Variants in RFTN2 observed in about 807,000 individuals in gnomAD.
The protein encoded by RFTN2 is raftlin family member 2, also known as raftlin-2.
A neutral mutation model predicts 52.7 loss-of-function variants in RFTN2; 34 were observed. The observed-to-expected ratio is 0.64, with a 90% CI of 0.49 to 0.86. The LOEUF (loss-of-function observed/expected upper bound fraction) is 0.86, where lower values mean the gene tolerates loss of function less well. Among genes scored for constraint, RFTN2 ranks in the 40% least tolerant of loss-of-function variants. RFTN2 has a pLI of 0.00. For synonymous variants in RFTN2, 203 were observed against 217.7 expected, an observed-to-expected ratio of 0.93 and a Z score of 0.59; for missense variants, 536 against 600.1, an observed-to-expected ratio of 0.89 and a Z score of 1.12.
intron 8 of RFTN2, among the ~76,000 whole-genome samples, chr2:197,594,249 C>G (rs1241420737): frequency 8.6e-5 from 13 of 151,902 alleles, no homozygotes. Context: ...CTCTTGACCT[C>G]ATGATCCGCC....
At chr2:197,576,759 AG>A (rs1193232901) in intron 8 of RFTN2, among the ~76,000 whole-genome samples, 1 of 152,214 alleles carries the variant, frequency 6.6e-6, no homozygotes, top group African/African-American at 2.4e-5. Flanking sequence ...AGGAAGATGC[AG>A]CCCCAGCGGG....
intron 1 of RFTN2, among the ~76,000 whole-genome samples, chr2:197,657,612 A>G (rs1296657179): frequency 6.6e-6 from 1 of 152,198 alleles, no homozygotes; most frequent in Non-Finnish European, 1.5e-5. Flanking sequence ...GGTTTTAAAC[A>G]TTATGTTATT....
chr2:197,660,463 T>C (rs1235440871), intron 1 of RFTN2, among the ~76,000 whole-genome samples: 6 of 152,328 alleles, frequency 3.9e-5, no homozygotes, highest in Admixed American at 1.3e-4. Context: ...AATTAATTCA[T>C]AGTATTTTAC....
intron 7 of RFTN2, among the ~76,000 whole-genome samples, chr2:197,611,622 T>C (rs2088063570): frequency 6.6e-6 from 1 of 152,236 alleles, no homozygotes; most frequent in Admixed American, 6.5e-5. Context: ...TCATTTCTGC[T>C]CTGATCTTAG....
At chr2:197,632,699 G>A (rs74360301) in intron 4 of RFTN2, among the ~76,000 whole-genome samples, 2,086 of 152,238 alleles carry the variant, frequency 0.014, 57 homozygotes, top group African/African-American at 0.047. Flanking sequence ...TGATGATGGT[G>A]GAGATGGGTG....
At chr2:197,644,570 T>G (rs931515638) in intron 2 of RFTN2, among the ~76,000 whole-genome samples, 1 of 152,234 alleles carries the variant, frequency 6.6e-6, no homozygotes, top group African/African-American at 2.4e-5. Context: ...TGTTGTTATA[T>G]CTTATCGAAC....
At chr2:197,649,014 G>A (rs940305707) in intron 1 of RFTN2, among the ~76,000 whole-genome samples, 1 of 152,056 alleles carries the variant, frequency 6.6e-6, no homozygotes, top group African/African-American at 2.4e-5. Flanking sequence ...ATGTTCCTTA[G>A]GTCACTATGT....
chr2:197,638,848 A>G (rs1410834208), intron 3 of RFTN2, among the ~76,000 whole-genome samples: 1 of 146,864 alleles, frequency 6.8e-6, no homozygotes, highest in African/African-American at 2.5e-5. Context: ...TGGTCTTTAC[A>G]TTTTGGCATG....
intron 3 of RFTN2, among the ~76,000 whole-genome samples, chr2:197,637,664 T>C (rs906606849): frequency 2.6e-5 from 4 of 152,208 alleles, no homozygotes; most frequent in Admixed American, 2.0e-4. Flanking sequence ...GGTCTATCAA[T>C]TTTGTTGATC....
chr2:197,635,304 G>A (rs1263076500), intron 3 of RFTN2, among the ~76,000 whole-genome samples: 4 of 152,188 alleles, frequency 2.6e-5, no homozygotes, highest in East Asian at 3.9e-4. Context: ...TCCCTGAGGA[G>A]TCACCACACT....
At chr2:197,654,896 C>T (rs2088872779) in intron 1 of RFTN2, among the ~76,000 whole-genome samples, 1 of 152,050 alleles carries the variant, frequency 6.6e-6, no homozygotes, top group Non-Finnish European at 1.5e-5. Context: ...ACTCTGGAGG[C>T]TGAGATATGA....
intron 5 of RFTN2, among the ~76,000 whole-genome samples, chr2:197,618,211 G>A (rs553542043): frequency 4.6e-5 from 7 of 152,022 alleles, no homozygotes; most frequent in East Asian, 3.9e-4. Context: ...TCAGCTTGCC[G>A]AGTGCCTGCG....
chr2:197,632,640 C>T (rs1233429042), intron 4 of RFTN2, among the ~76,000 whole-genome samples: 1 of 152,102 alleles, frequency 6.6e-6, no homozygotes, highest in African/African-American at 2.4e-5. Context: ...GCAGAAAAAT[C>T]AGGGACATTG....
chr2:197,620,748 C>T (rs1431268735), intron 5 of RFTN2, among the ~76,000 whole-genome samples: 2 of 152,178 alleles, frequency 1.3e-5, no homozygotes, highest in Admixed American at 6.6e-5. Flanking sequence ...AGGCAGATCA[C>T]CTGCGGTAGG....
Position 197,646,565 on chromosome 2 carries a change from G to A in RFTN2, c.241C>T (p.Pro81Ser), listed in dbSNP as rs200055845. 2 of 1,613,518 alleles carry A rather than the reference G, an allele frequency of 1.2e-6. No individual in the cohort carries two copies. The highest frequency in any genetic ancestry group is 3.3e-5 in the Admixed American group (2 of 60,026). Residue 81 changes from proline to serine, a missense_variant, in exon 2 of 9, where the codon CCT (proline) becomes TCT (serine). Pro to Ser is a moderately conservative substitution (Grantham distance 74). Transcript: ENST00000295049. ...LKGYIVGAIH[P>S]VIQPVGQRKH... ...CGCTGCCCCACAGGTTGTATAACAG[G>A]ATGAATAGCCCCGACAATATATCCT...
chr2:197,581,374 T>C (rs1574677450), intron 8 of RFTN2, among the ~76,000 whole-genome samples: 2 of 152,116 alleles, frequency 1.3e-5, no homozygotes, highest in Admixed American at 6.6e-5. Flanking sequence ...TTTTCACTAT[T>C]CCCCTGCACC....
chr2:197,575,209 T>C (rs548601785), intron 8 of RFTN2, among the ~76,000 whole-genome samples: 1 of 152,332 alleles, frequency 6.6e-6, no homozygotes, highest in South Asian at 2.1e-4. Context: ...AGACATGACT[T>C]TGCTCCTCAT....
chr2:197,624,717 T>C (rs772290334), intron 5 of RFTN2, among the ~76,000 whole-genome samples: 1 of 151,976 alleles, frequency 6.6e-6, no homozygotes, highest in Non-Finnish European at 1.5e-5. Flanking sequence ...TCCCAGCACT[T>C]TGGGAGGCTG....
At chr2:197,613,406 C>T (rs948457160) in intron 7 of RFTN2, among the ~76,000 whole-genome samples, 3 of 152,190 alleles carry the variant, frequency 2.0e-5, no homozygotes, top group Admixed American at 2.0e-4. Flanking sequence ...CCAAATCATA[C>T]AGCTAAACAA....
Sources: allele counts gnomAD v4.1 joint callset (sites outside exome capture counted in the v4.1 genomes callset), GRCh38; gene constraint gnomAD v4.1.1; transcripts MANE v1.5; gene names NCBI Gene and HGNC (gene_info 2026-07-23, HGNC 2026-07-21).